The following RNF168 variants were observed in gnomAD, a reference collection of about 807,000 sequenced individuals.
RNF168 encodes E3 ubiquitin-protein ligase RNF168.
A neutral mutation model predicts 34.9 loss-of-function variants in RNF168; 34 were observed. The observed-to-expected ratio is 0.97, with a 90% CI of 0.74 to 1.30. The LOEUF (loss-of-function observed/expected upper bound fraction) is 1.30, where lower values mean the gene tolerates loss of function less well. Ranked by LOEUF, RNF168 falls within the 50% of genes most tolerant of loss-of-function variation. The pLI is 0.00. For missense variants in RNF168, 725 were observed against 682.5 expected, an observed-to-expected ratio of 1.06 and a Z score of -0.69; for synonymous variants, 264 against 254.7, an observed-to-expected ratio of 1.04 and a Z score of -0.35.
intron 1 of RNF168, 52 bp from the exon 2 acceptor site, chr3:196,488,735 T>C: frequency 8.4e-7 from 1 of 1,193,792 alleles, no homozygotes; most frequent in South Asian, 1.2e-5. Context: ...AATTTTATGG[T>C]AACTTTGGTC....
At position 196,483,496 on chromosome 3, in the gene RNF168, C is replaced by T. The variant is rs9877313; in HGVS notation, c.680+274G>A. On this transcript the variant is annotated intron_variant, in intron 4 of 5. Coordinates refer to ENST00000318037, the MANE Select transcript of RNF168 (RefSeq NM_152617.4). ...CCATTTTTTTCATCTGAATTTAAAC[C>T]AAGAGAAAGAGGAATCCAATGGTTC... is the stretch of plus-strand genomic sequence containing the variant. Among the ~76,000 whole-genome samples the T allele has an allele frequency of 2.4e-3, 366 of 152,146 alleles. 1 individual carries two copies. The highest frequency in any genetic ancestry group is 8.5e-3 in the African/African-American group (354 of 41,494).
At position 196,488,644 on chromosome 3, in the gene RNF168, C is replaced by G; in HGVS notation, c.341G>C (p.Gly114Ala). The part of the protein sequence containing the change: ...YQPVRLLSKP[G>A]ELRREYEEEI... ...CTCTTCATATTCTCTTCTCAGTTCC[C>G]CAGGTTTACTGAGCAGACGAACTGG... Residue 114 changes from glycine (G) to alanine (A), a missense_variant, in exon 2 of 6, where the codon GGG (glycine) becomes GCG (alanine). Coordinates refer to ENST00000318037, the MANE Select transcript of RNF168 (RefSeq NM_152617.4). The G allele has an allele frequency of 1.2e-6, 2 of 1,609,994 alleles. No individual in the cohort carries two copies. Among genetic ancestry groups the G allele is most frequent in the South Asian group, 1.1e-5 (1 of 90,944 alleles).
Position 196,503,243 on chromosome 3 carries a change from A to C in RNF168, c.-70T>G. 2 of 1,388,866 alleles carry C rather than the reference A, an allele frequency of 1.4e-6. No homozygotes were observed. The highest frequency in any genetic ancestry group is 2.4e-5 in the South Asian group (2 of 85,056). 86.0% of individuals were successfully genotyped at this position (1,388,866 alleles called of 1,614,324 possible). On this transcript the variant is annotated 5_prime_UTR_variant, in exon 1 of 6. Coordinates refer to ENST00000318037, the MANE Select transcript of RNF168 (RefSeq NM_152617.4). ...AAAAGAATCCTATTTTCGGCCAACCACAGAGAGAGCAAAAGCAGTTTTGTG... is the reference window on the plus strand; with the variant it reads ...AAAAGAATCCTATTTTCGGCCAACCCCAGAGAGAGCAAAAGCAGTTTTGTG...
Position 196,489,194 on chromosome 3 carries a change from G to A in RNF168, c.302-511C>T, listed in dbSNP as rs559303314. Reference sequence around the variant, plus strand: ...TGTGAGGCCAGAGGTTTAGGGTTTTGGGTTTGAAATGGCATATGAATGCAT... The same window carrying A: ...TGTGAGGCCAGAGGTTTAGGGTTTTAGGTTTGAAATGGCATATGAATGCAT... On this transcript the variant is annotated intron_variant, in intron 1 of 5. Coordinates refer to ENST00000318037, the MANE Select transcript of RNF168 (RefSeq NM_152617.4). 4.6e-5 allele frequency among the ~76,000 whole-genome samples: 7 copies of A among 152,048 alleles called. No homozygotes were observed. In the South Asian group the frequency reaches 1.5e-3, roughly 32 times the overall value.
chr3:196,503,095 C>A lies in RNF168; in HGVS notation c.79G>T (p.Val27Phe), dbSNP rs757633646. The change falls in exon 1 of 6, where the codon GTC becomes TTC. Residue 27 changes from valine to phenylalanine, a missense_variant. Transcript: ENST00000318037. ...GICMEILVEP[V>F]TLPCNHTLCK... Reference sequence around the variant, plus strand: ...AGCGTGTGGTTACACGGGAGGGTGACGGGCTCCACGAGGATTTCCATGCAG... The same window carrying A: ...AGCGTGTGGTTACACGGGAGGGTGAAGGGCTCCACGAGGATTTCCATGCAG... 3.7e-6 allele frequency: 6 copies of A among 1,614,092 alleles called. No homozygotes were observed. In the South Asian group the frequency reaches 6.6e-5, roughly 18 times the overall value.
intron 1 of RNF168, among the ~76,000 whole-genome samples, chr3:196,502,054 GAAAAAAAAA>G (rs554041803): frequency 4.8e-4 from 24 of 50,050 alleles, no homozygotes; most frequent in Admixed American, 7.9e-4. Flanking sequence ...AAAAAAATTA[GAAAAAAAAA>G]AAAAAAAAAA....
intron 1 of RNF168, among the ~76,000 whole-genome samples, chr3:196,502,251 G>A (rs941103690): frequency 4.6e-5 from 7 of 151,990 alleles, no homozygotes; most frequent in Admixed American, 3.3e-4. Context: ...CTCGTCGCAT[G>A]ATTAGGAGAA....
chr3:196,482,496 C>T (rs28395177), intron 4 of RNF168, among the ~76,000 whole-genome samples: 3,265 of 152,202 alleles, frequency 0.021, 122 homozygotes, highest in African/African-American at 0.075. Context: ...ATGCTAATTC[C>T]GTTTAACTTT....
intron 1 of RNF168, among the ~76,000 whole-genome samples, chr3:196,499,551 G>A (rs760808530): frequency 1.3e-5 from 2 of 152,136 alleles, no homozygotes; most frequent in South Asian, 4.2e-4. Context: ...GCCCGGACGC[G>A]GTGGCTCACG....
intron 4 of RNF168, among the ~76,000 whole-genome samples, chr3:196,477,212 A>G (rs1458860441): frequency 6.8e-6 from 1 of 147,006 alleles, no homozygotes; most frequent in Non-Finnish European, 1.6e-5. Context: ...AAACATGCAT[A>G]TAACTATGTT....
Position 196,487,406 on chromosome 3 carries a change from A to G in RNF168, c.551T>C (p.Ile184Thr), listed in dbSNP as rs1289229415. Residue 184 changes from isoleucine (I) to threonine (T), a missense_variant, in exon 3 of 6, where the codon ATT (isoleucine) becomes ACT (threonine). Coordinates refer to ENST00000318037, the MANE Select transcript of RNF168 (RefSeq NM_152617.4). ...TTCCCTCCTAAAACTTACAATATCA[A>G]TGCTTAGCTTTCTTGCCAGTTCCTC... ...SDEELARKLSIDINNFCEGSI... is the reference protein window; with the variant it reads ...SDEELARKLSTDINNFCEGSI... 1 of 1,613,718 alleles carries G rather than the reference A, an allele frequency of 6.2e-7. No individual in the cohort carries two copies.
Position 196,483,653 on chromosome 3 carries a change from C to T in RNF168, c.680+117G>A, listed in dbSNP as rs142000902. The T allele has an allele frequency of 6.8e-6, 6 of 878,886 alleles. No individual in the cohort carries two copies. In the Admixed American group the frequency reaches 8.9e-5, roughly 13 times the overall value. The allele number at this position is 878,886 out of a possible 1,614,324, so 54.4% of individuals were successfully genotyped here. ...CTTTTCAATTTACCTCAACCTCAGA[C>T]TATTTTCATACAAAGTTCACGGACC... is the stretch of plus-strand genomic sequence containing the variant. On this transcript the variant is annotated intron_variant, in intron 4 of 5. Coordinates refer to ENST00000318037, the MANE Select transcript of RNF168 (RefSeq NM_152617.4).
Position 196,490,997 on chromosome 3 carries a change from CAG to C in RNF168, c.302-2316_302-2315del, listed in dbSNP as rs1236525432. On this transcript the variant is annotated intron_variant, in intron 1 of 5. Coordinates refer to ENST00000318037, the MANE Select transcript of RNF168 (RefSeq NM_152617.4). ...CTGAGACTTTTTTTCAGGGAAACTG[CAG>C]AGTCAAACTATTTTCATTTAAAAAA... is the stretch of plus-strand genomic sequence containing the variant. Among the ~76,000 whole-genome samples, 12 of 152,298 alleles carry C rather than the reference CAG, an allele frequency of 7.9e-5. No homozygotes were observed. In the South Asian group the frequency reaches 2.1e-3, roughly 26 times the overall value.
chr3:196,486,669 AC>A (rs1304124043), intron 3 of RNF168, among the ~76,000 whole-genome samples: 1 of 152,220 alleles, frequency 6.6e-6, no homozygotes, highest in East Asian at 1.9e-4. Flanking sequence ...AATAGTGGTT[AC>A]CTTTGGGGAT....
intron 1 of RNF168, among the ~76,000 whole-genome samples, chr3:196,502,092 C>G (rs1367562655): frequency 7.5e-6 from 1 of 133,836 alleles, no homozygotes; most frequent in African/African-American, 2.8e-5. Flanking sequence ...GACCTGTCCA[C>G]GAGAGAACGG....
chr3:196,472,357 G>T lies in RNF168; in HGVS notation c.1178C>A (p.Ser393Tyr), dbSNP rs778308435. 1 of 1,614,054 alleles carries T rather than the reference G, an allele frequency of 6.2e-7. No homozygotes were observed. The highest frequency in any genetic ancestry group is 2.2e-5 in the East Asian group (1 of 44,886). ...KEISKRKNQE[S>Y]SFEAVKDPCF... ...TGGATCCTTGACTGCTTCAAAGGAA[G>T]ATTCTTGGTTTTTTCTTTTGGAAAT... Residue 393 changes from serine (S) to tyrosine (Y), a missense_variant, in exon 6 of 6, where the codon TCT (serine) becomes TAT (tyrosine). Transcript: ENST00000318037.
intron 4 of RNF168, among the ~76,000 whole-genome samples, chr3:196,476,635 C>T (rs1201116736): frequency 1.3e-5 from 2 of 151,956 alleles, no homozygotes; most frequent in Non-Finnish European, 2.9e-5. Context: ...AGGCTGGTCT[C>T]GAAGTCCTGA....
intron 2 of RNF168, 56 bp from the exon 3 acceptor site, chr3:196,487,634 A>G (rs1445671592): frequency 9.5e-6 from 14 of 1,475,562 alleles, no homozygotes; most frequent in Middle Eastern, 1.7e-4. Flanking sequence ...TATACTTGCA[A>G]TATTTCATAA....
At position 196,481,682 on chromosome 3, in the gene RNF168, G is replaced by GTTTTTTTTT. The variant is rs34739638; in HGVS notation, c.680+2079_680+2087dup. ...TCTTTTTAAATACGTTTTCAGCTGC[G>GTTTTTTTTT]TTTTTTTTTTTTTTTTTTTTTTTTT... On this transcript the variant is annotated intron_variant, in intron 4 of 5. Coordinates refer to ENST00000318037, the MANE Select transcript of RNF168 (RefSeq NM_152617.4). Among the ~76,000 whole-genome samples, 2 of 62,392 alleles carry GTTTTTTTTT rather than the reference G, an allele frequency of 3.2e-5. 1 individual carries two copies. The highest frequency in any genetic ancestry group is 1.3e-4 in the African/African-American group (2 of 15,910). 40.9% of individuals were successfully genotyped at this position (62,392 alleles called of 152,430 possible).
Sources: gnomAD v4.1 joint callset for allele counts (sites outside exome capture counted in the v4.1 genomes callset) on GRCh38, gnomAD v4.1.1 for gene constraint, MANE v1.5 for transcripts, NCBI Gene and HGNC (gene_info 2026-07-23, HGNC 2026-07-21) for gene names.